Variants in TENM2 observed in about 807,000 individuals in gnomAD.
The protein encoded by TENM2 is teneurin transmembrane protein 2, also known as teneurin-2.
TENM2 carries 52 observed loss-of-function variants against 245.2 expected under a neutral mutation model. That is an observed-to-expected ratio of 0.21 (90% confidence interval 0.17 to 0.27). The LOEUF is 0.27. TENM2 is among the 10% of genes least tolerant of loss of function. The pLI is 1.00. For synonymous variants in TENM2, 1,363 were observed against 1,438.9 expected, an observed-to-expected ratio of 0.95 and a Z score of 1.19; for missense variants, 3,046 against 3,666.8, an observed-to-expected ratio of 0.83 and a Z score of 4.37.
chr5:167,048,954 G>A, the TENM2 span, among the ~76,000 whole-genome samples: 1 of 152,280 alleles, frequency 6.6e-6, no homozygotes, highest in South Asian at 2.1e-4. Context: ...GCGAAGTAGG[G>A]AAAGGGGTTC....
the TENM2 span, among the ~76,000 whole-genome samples, chr5:167,021,317 T>C: frequency 6.6e-6 from 1 of 152,204 alleles, no homozygotes; most frequent in Non-Finnish European, 1.5e-5. Flanking sequence ...GTGAGTTAAA[T>C]GTACTCAAAT....
intron 23 of TENM2, among the ~76,000 whole-genome samples, chr5:168,220,234 T>G (rs956136538): frequency 1.3e-5 from 2 of 152,152 alleles, no homozygotes; most frequent in Non-Finnish European, 2.9e-5. Context: ...TCATCTTCCT[T>G]TCTGACAGTT....
intron 13 of TENM2, among the ~76,000 whole-genome samples, chr5:168,185,431 A>G (rs919771525): frequency 6.6e-6 from 1 of 152,132 alleles, no homozygotes; most frequent in Non-Finnish European, 1.5e-5. Flanking sequence ...TAACCCTCCC[A>G]GCAGCACTAT....
chr5:167,205,926 A>G, the TENM2 span, among the ~76,000 whole-genome samples: 1 of 152,186 alleles, frequency 6.6e-6, no homozygotes, highest in African/African-American at 2.4e-5. Context: ...TCTTGCAATT[A>G]CTTTTTATAC....
chr5:168,035,811 G>A (rs990102638), intron 5 of TENM2, among the ~76,000 whole-genome samples: 1 of 152,106 alleles, frequency 6.6e-6, no homozygotes, highest in African/African-American at 2.4e-5. Flanking sequence ...TTAAAACCCG[G>A]CAACCCTAGA....
chr5:167,670,867 C>A (rs1215465674), intron 2 of TENM2, among the ~76,000 whole-genome samples: 1 of 152,136 alleles, frequency 6.6e-6, no homozygotes, highest in African/African-American at 2.4e-5. Flanking sequence ...TTCAGTTCAT[C>A]CTTGCTTCTT....
At chr5:167,196,728 T>C in the TENM2 span, among the ~76,000 whole-genome samples, 1 of 151,766 alleles carries the variant, frequency 6.6e-6, no homozygotes, top group African/African-American at 2.4e-5. Context: ...TAACACAAAG[T>C]TAAAAATAAA....
intron 2 of TENM2, among the ~76,000 whole-genome samples, chr5:167,783,528 A>C (rs1446208798): frequency 3.0e-4 from 45 of 152,202 alleles, no homozygotes; most frequent in Non-Finnish European, 8.8e-5. Context: ...ATGCAGTTAG[A>C]TGCCACGGCA....
At chr5:167,301,767 G>A (rs1275607817) in intron 1 of TENM2, among the ~76,000 whole-genome samples, 1 of 152,096 alleles carries the variant, frequency 6.6e-6, no homozygotes, top group African/African-American at 2.4e-5. Context: ...TTGGGATAAG[G>A]AAAAAGGAGC....
At chr5:168,094,169 A>G (rs1793172347) in intron 8 of TENM2, among the ~76,000 whole-genome samples, 1 of 152,156 alleles carries the variant, frequency 6.6e-6, no homozygotes, top group Non-Finnish European at 1.5e-5. Context: ...ACAGGAGCAA[A>G]GAGGAAGTGG....
intron 7 of TENM2, among the ~76,000 whole-genome samples, chr5:168,074,419 G>C (rs1236296617): frequency 2.0e-5 from 3 of 152,090 alleles, no homozygotes; most frequent in Non-Finnish European, 4.4e-5. Context: ...ACAAAAACAG[G>C]CTCTGGTCTC....
chr5:167,597,043 G>C (rs1776265016), intron 2 of TENM2, among the ~76,000 whole-genome samples: 1 of 151,926 alleles, frequency 6.6e-6, no homozygotes, highest in Non-Finnish European at 1.5e-5. Context: ...TCAGTTTTCA[G>C]TCCTCACACA....
At chr5:168,240,163 T>C (rs1765955365) in intron 25 of TENM2, among the ~76,000 whole-genome samples, 1 of 152,190 alleles carries the variant, frequency 6.6e-6, no homozygotes, top group South Asian at 2.1e-4. Flanking sequence ...GAGGTTGCAG[T>C]GAGCCGAGAT....
At chr5:167,570,722 C>T (rs1007712229) in intron 2 of TENM2, among the ~76,000 whole-genome samples, 2 of 152,156 alleles carry the variant, frequency 1.3e-5, no homozygotes, top group African/African-American at 4.8e-5. Flanking sequence ...AGAAGAGCTG[C>T]ATTGAAGAAT....
At chr5:167,958,157 C>T (rs563577272) in intron 4 of TENM2, among the ~76,000 whole-genome samples, 14 of 152,146 alleles carry the variant, frequency 9.2e-5, no homozygotes, top group Non-Finnish European at 1.8e-4. Flanking sequence ...CTGGGTGCTC[C>T]TGTATTGGGT....
chr5:167,635,708 T>G (rs279391), intron 2 of TENM2, among the ~76,000 whole-genome samples: 12,754 of 143,270 alleles, frequency 0.089, 1,296 homozygotes, highest in African/African-American at 0.25. Flanking sequence ...GCAATGGCGC[T>G]ATCTCGGCTC....
At chr5:168,016,173 G>C (rs1785634411) in intron 5 of TENM2, among the ~76,000 whole-genome samples, 1 of 152,148 alleles carries the variant, frequency 6.6e-6, no homozygotes, top group South Asian at 2.1e-4. Flanking sequence ...CTATGGGATT[G>C]TACTCTTTTT....
chr5:167,130,888 CTTTTTT>C, the TENM2 span, among the ~76,000 whole-genome samples: 12 of 73,356 alleles, frequency 1.6e-4, no homozygotes, highest in Non-Finnish European at 2.4e-4. Context: ...GTGTTAAATG[CTTTTTT>C]TTTTTTTTTT....
At chr5:168,246,803 A>G in exon 27 of TENM2, 1 of 1,613,890 alleles carries the variant, frequency 6.2e-7, no homozygotes. Flanking sequence ...ATATTTGAGT[A>G]TGACTCCTCT....
Sources: gnomAD v4.1 joint callset for allele counts (sites outside exome capture counted in the v4.1 genomes callset) on GRCh38, gnomAD v4.1.1 for gene constraint, MANE v1.5 for transcripts, NCBI Gene and HGNC (gene_info 2026-07-23, HGNC 2026-07-21) for gene names.